Variants in PHEX observed in about 807,000 individuals in gnomAD.
PHEX encodes the protein phosphate-regulating neutral endopeptidase PHEX.
Under a neutral mutation model 68.0 loss-of-function variants are expected in PHEX, and 16 were observed. That is an observed-to-expected ratio of 0.24 (90% CI 0.16 to 0.36). PHEX has a LOEUF of 0.36. Ranked by LOEUF, PHEX falls within the 10% of genes least tolerant of loss-of-function variation. The probability of loss-of-function intolerance (pLI) is 1.00; values close to 1 mark genes in which losing one functional copy is unlikely to be tolerated. For synonymous variants in PHEX, 208 were observed against 205.1 expected (o/e 1.01, Z -0.12); for missense variants, 480 against 575.5 (o/e 0.83, Z 1.70).
At chrX:22,240,631 A>T (rs36171182) in intron 20 of PHEX, among the ~76,000 whole-genome samples, 13,810 of 103,391 alleles carry the variant, frequency 0.13, 799 homozygotes, top group Middle Eastern at 0.19. Flanking sequence ...ACAGACTTTA[A>T]TCCAACAAAG....
intron 12 of PHEX, among the ~76,000 whole-genome samples, chrX:22,138,198 G>T (rs141032668): frequency 0.024 from 2,698 of 112,849 alleles, 78 homozygotes; most frequent in African/African-American, 0.076. Flanking sequence ...CAGCCCCTGG[G>T]GGTATACGCT....
At chrX:22,241,262 G>A (rs139746011) in intron 20 of PHEX, among the ~76,000 whole-genome samples, 3,520 of 111,952 alleles carry the variant, frequency 0.031, 136 homozygotes, top group African/African-American at 0.11. Context: ...GAATCTCTGG[G>A]ACACATTTAA....
intron 20 of PHEX, among the ~76,000 whole-genome samples, chrX:22,241,973 A>T (rs986248830): frequency 1.8e-5 from 2 of 111,894 alleles, no homozygotes; most frequent in East Asian, 5.6e-4. Flanking sequence ...AGACACAACA[A>T]AAAAAGAGAA....
chrX:22,094,506 T>C (rs1930047862), intron 7 of PHEX, among the ~76,000 whole-genome samples: 1 of 112,463 alleles, frequency 8.9e-6, no homozygotes, highest in Admixed American at 9.5e-5. Context: ...ATCCAGCCCA[T>C]GTTTTATGCT....
chrX:22,099,299 C>G, intron 9 of PHEX, 148 bp downstream of exon 9: 1 of 554,374 alleles, frequency 1.8e-6, no homozygotes. Flanking sequence ...TTGTGATGAA[C>G]TGGCCAAAAG....
rs868684920 is a variant in PHEX at position 22,150,363 on chromosome X, C to A, written c.1404+16739C>A. Among the ~76,000 whole-genome samples, 39 of 111,342 alleles carry A rather than the reference C, an allele frequency of 3.5e-4. No individual in the cohort carries two copies. In the Middle Eastern group the frequency reaches 0.014, roughly 39 times the overall value. ...TGCTGCTGGACAATGGCCTATGGAC[C>A]ATACTTTGAGAATATAGAGCAGGGG... On this transcript the variant is annotated intron_variant, in intron 12 of 21. Transcript: ENST00000379374.
At chrX:22,060,342 G>A (rs929612359) in intron 3 of PHEX, among the ~76,000 whole-genome samples, 2 of 110,905 alleles carry the variant, frequency 1.8e-5, no homozygotes, top group Admixed American at 9.7e-5. Flanking sequence ...TTAGAAGGGT[G>A]GGGAGTAAGG....
intron 20 of PHEX, among the ~76,000 whole-genome samples, chrX:22,243,282 C>G (rs185549861): frequency 8.9e-6 from 1 of 111,976 alleles, no homozygotes; most frequent in East Asian, 2.8e-4. Flanking sequence ...AAAATCAACT[C>G]AAGATGGACC....
At chrX:22,126,151 G>A (rs1219061498) in intron 11 of PHEX, among the ~76,000 whole-genome samples, 1 of 112,028 alleles carries the variant, frequency 8.9e-6, no homozygotes, top group Non-Finnish European at 1.9e-5. Context: ...TTTTAAATTA[G>A]CAGAATACTT....
At chrX:22,234,853 AAACAAC>A (rs1349165209) in intron 20 of PHEX, among the ~76,000 whole-genome samples, 1 of 110,033 alleles carries the variant, frequency 9.1e-6, no homozygotes, top group Non-Finnish European at 1.9e-5. Context: ...ACACACAGAA[AAACAAC>A]AACAATGAAA....
At chrX:22,234,831 A>AAC (rs780352524) in intron 20 of PHEX, among the ~76,000 whole-genome samples, 2 of 107,180 alleles carry the variant, frequency 1.9e-5, no homozygotes, top group Non-Finnish European at 3.9e-5. Context: ...AAAAAAAAAA[A>AAC]ACCACACACA....
intron 12 of PHEX, among the ~76,000 whole-genome samples, 163 bp downstream of exon 12, chrX:22,133,787 C>T (rs1471875614): frequency 8.9e-6 from 1 of 112,307 alleles, no homozygotes; most frequent in African/African-American, 3.2e-5. Context: ...ATTTTTGTTT[C>T]ACCAGGAGGT....
At chrX:22,202,348 T>G (rs1232148559) in intron 15 of PHEX, among the ~76,000 whole-genome samples, 1 of 112,116 alleles carries the variant, frequency 8.9e-6, no homozygotes, top group Non-Finnish European at 1.9e-5. Flanking sequence ...GTTTTGTGGC[T>G]TTCTGTCTAA....
chrX:22,170,262 G>T (rs1040445099), intron 13 of PHEX, among the ~76,000 whole-genome samples: 1 of 111,745 alleles, frequency 8.9e-6, no homozygotes, highest in Non-Finnish European at 1.9e-5. Flanking sequence ...ACCTTAGCAG[G>T]AGAACCTGGG....
Position 22,104,091 on chromosome X carries a change from A to G in PHEX, c.1079+4940A>G, listed in dbSNP as rs1418263668. ...TTTCATATGTTTGTTGGCCCTTTGTATATCTTCTTTTGAGAATTGTCTATT... is the reference window on the plus strand; with the variant it reads ...TTTCATATGTTTGTTGGCCCTTTGTGTATCTTCTTTTGAGAATTGTCTATT... On this transcript the variant is annotated intron_variant, in intron 9 of 21. Coordinates refer to ENST00000379374, the MANE Select transcript of PHEX (RefSeq NM_000444.6). Among the ~76,000 whole-genome samples, 68 of 111,639 alleles carry G rather than the reference A, an allele frequency of 6.1e-4. No homozygotes were observed. The Admixed American group carries it at 6.3e-3, about 10-fold the overall frequency.
intron 15 of PHEX, among the ~76,000 whole-genome samples, chrX:22,202,542 A>T (rs1238422505): frequency 8.9e-6 from 1 of 112,340 alleles, no homozygotes; most frequent in Non-Finnish European, 1.9e-5. Flanking sequence ...CATCTTAAAG[A>T]TACTGTTGGA....
intron 12 of PHEX, among the ~76,000 whole-genome samples, chrX:22,157,041 C>A (rs1170972514): frequency 9.0e-6 from 1 of 111,228 alleles, no homozygotes; most frequent in Non-Finnish European, 1.9e-5. Context: ...AGCCACCACG[C>A]CCAGCTAATT....
intron 7 of PHEX, among the ~76,000 whole-genome samples, chrX:22,096,527 T>C (rs1930143699): frequency 2.7e-5 from 3 of 111,857 alleles, no homozygotes; most frequent in Admixed American, 9.4e-5. Flanking sequence ...ATCCAGATAG[T>C]CTTGTGTTCA....
intron 20 of PHEX, among the ~76,000 whole-genome samples, chrX:22,233,795 T>C (rs1413536953): frequency 8.9e-6 from 1 of 111,774 alleles, no homozygotes; most frequent in East Asian, 2.8e-4. Flanking sequence ...ATCACCCACC[T>C]TCTGAAGCCT....
Sources: allele counts gnomAD v4.1 joint callset (sites outside exome capture counted in the v4.1 genomes callset), GRCh38; gene constraint gnomAD v4.1.1; transcripts MANE v1.5; gene names NCBI Gene and HGNC (gene_info 2026-07-23, HGNC 2026-07-21).